ROBO1: variants seen among roughly 807,000 people sequenced by gnomAD.
ROBO1 encodes roundabout guidance receptor 1.
Under a neutral mutation model 195.9 loss-of-function variants are expected in ROBO1, and 149 were observed. The observed-to-expected ratio is 0.76, with a 90% CI of 0.67 to 0.87. ROBO1 has a LOEUF of 0.87. Ranked by LOEUF, ROBO1 falls within the 40% of genes least tolerant of loss-of-function variation. The probability of loss-of-function intolerance (pLI) is 0.00; values close to 1 mark genes in which losing one functional copy is unlikely to be tolerated. For synonymous variants in ROBO1, 816 were observed against 733.2 expected (o/e 1.11, Z -1.82); for missense variants, 1,933 against 2,068.3 (o/e 0.93, Z 1.27).
At chr3:78,891,731 T>A (rs1428450304) in intron 4 of ROBO1, among the ~76,000 whole-genome samples, 1 of 152,212 alleles carries the variant, frequency 6.6e-6, no homozygotes, top group Non-Finnish European at 1.5e-5. Context: ...TGTGATATAT[T>A]CATACACATA....
chr3:79,115,775 A>C lies in ROBO1; in HGVS notation c.172+9681T>G, dbSNP rs2079982122. On this transcript the variant is annotated intron_variant, in intron 3 of 30. Transcript: ENST00000464233. Reference sequence around the variant, plus strand: ...CCTTAGTTGGGGTAGACGTTCTATGAATGTATTTTCTTTCCTTCTTACCAT... The same window carrying C: ...CCTTAGTTGGGGTAGACGTTCTATGCATGTATTTTCTTTCCTTCTTACCAT... Among the ~76,000 whole-genome samples, 3 of 152,176 alleles carry C rather than the reference A, an allele frequency of 2.0e-5. No homozygotes were observed. The South Asian group carries it at 6.2e-4, about 32-fold the overall frequency.
intron 2 of ROBO1, among the ~76,000 whole-genome samples, chr3:79,405,234 T>A (rs2037501991): frequency 6.6e-6 from 1 of 152,166 alleles, no homozygotes; most frequent in African/African-American, 2.4e-5. Context: ...AGTGTAATGA[T>A]ATGGAGATAG....
At chr3:78,834,098 T>C (rs1392537757) in intron 4 of ROBO1, among the ~76,000 whole-genome samples, 1 of 152,074 alleles carries the variant, frequency 6.6e-6, no homozygotes, top group Non-Finnish European at 1.5e-5. Flanking sequence ...TTATCGCTTA[T>C]GTACTACAAA....
At chr3:79,384,901 C>T (rs977319356) in intron 2 of ROBO1, among the ~76,000 whole-genome samples, 3 of 151,942 alleles carry the variant, frequency 2.0e-5, no homozygotes, top group South Asian at 2.1e-4. Flanking sequence ...AGGAAATCTC[C>T]GATACAGGAA....
chr3:79,615,431 T>A (rs1339192374), intron 1 of ROBO1, among the ~76,000 whole-genome samples: 4 of 152,270 alleles, frequency 2.6e-5, no homozygotes, highest in Middle Eastern at 3.4e-3. Flanking sequence ...ATAAATCCAA[T>A]CTATAGCCCA....
At chr3:79,229,877 G>C (rs1391575274) in intron 2 of ROBO1, among the ~76,000 whole-genome samples, 2 of 151,884 alleles carry the variant, frequency 1.3e-5, no homozygotes, top group Non-Finnish European at 2.9e-5. Context: ...TCTTATCAAT[G>C]ATCTTTCTCA....
chr3:78,892,449 C>A (rs2036961410), intron 4 of ROBO1, among the ~76,000 whole-genome samples: 1 of 152,138 alleles, frequency 6.6e-6, no homozygotes, highest in South Asian at 2.1e-4. Flanking sequence ...TCACCTTGGG[C>A]AAGTGATGTA....
intron 1 of ROBO1, among the ~76,000 whole-genome samples, chr3:79,757,827 AT>A (rs62921560): frequency 0.31 from 46,391 of 152,010 alleles, 7,208 homozygotes; most frequent in East Asian, 0.37. Context: ...GCTCAATCGC[AT>A]TTTTTATAGC....
chr3:79,043,520 A>G (rs1368631382), intron 3 of ROBO1, among the ~76,000 whole-genome samples: 1 of 152,098 alleles, frequency 6.6e-6, no homozygotes, highest in African/African-American at 2.4e-5. Context: ...AAATTGGACT[A>G]CTAGATATAT....
chr3:79,213,600 T>C (rs1224362125), intron 2 of ROBO1, among the ~76,000 whole-genome samples: 2 of 152,122 alleles, frequency 1.3e-5, no homozygotes, highest in African/African-American at 2.4e-5. Context: ...TGTGAAGACC[T>C]GACAAGAAAG....
At chr3:79,351,746 C>G (rs2035351687) in intron 2 of ROBO1, among the ~76,000 whole-genome samples, 1 of 151,936 alleles carries the variant, frequency 6.6e-6, no homozygotes, top group Non-Finnish European at 1.5e-5. Flanking sequence ...AGCTGACTAT[C>G]CAGTGAATTT....
At chr3:79,128,024 A>T (rs899459918) in intron 2 of ROBO1, among the ~76,000 whole-genome samples, 1 of 152,206 alleles carries the variant, frequency 6.6e-6, no homozygotes, top group Admixed American at 6.5e-5. Flanking sequence ...CTGTCAAAAG[A>T]TAACAATAAC....
chr3:78,715,275 C>G (rs1459800432), intron 7 of ROBO1: 1 of 152,154 alleles, frequency 6.6e-6, no homozygotes, highest in Non-Finnish European at 1.5e-5. Context: ...ACTTTCTGTT[C>G]TTCCCCTAAC....
chr3:79,198,951 G>A (rs1258662286), intron 2 of ROBO1, among the ~76,000 whole-genome samples: 1 of 151,892 alleles, frequency 6.6e-6, no homozygotes, highest in African/African-American at 2.4e-5. Context: ...GGTTTTCTAA[G>A]TATACAATCA....
intron 4 of ROBO1, among the ~76,000 whole-genome samples, chr3:78,757,252 A>G (rs2108342994): frequency 6.6e-6 from 1 of 152,330 alleles, no homozygotes; most frequent in East Asian, 1.9e-4. Context: ...TCGCAATTGC[A>G]AATGAGGACA....
At chr3:78,832,715 C>T (rs987838539) in intron 4 of ROBO1, among the ~76,000 whole-genome samples, 3 of 151,956 alleles carry the variant, frequency 2.0e-5, no homozygotes, top group Admixed American at 2.0e-4. Context: ...CGAGGTTAGG[C>T]AGGAAACTAG....
At chr3:79,423,675 T>C (rs748222483) in intron 2 of ROBO1, among the ~76,000 whole-genome samples, 3 of 152,100 alleles carry the variant, frequency 2.0e-5, no homozygotes, top group African/African-American at 4.8e-5. Flanking sequence ...TAAGTCAGCA[T>C]ACCAGTACTA....
chr3:78,605,145 G>A (rs569580824), intron 29 of ROBO1, among the ~76,000 whole-genome samples: 22 of 152,098 alleles, frequency 1.4e-4, no homozygotes, highest in Middle Eastern at 3.4e-3. Flanking sequence ...TTCCTCGCTT[G>A]GTTTACATTC....
intron 5 of ROBO1, among the ~76,000 whole-genome samples, chr3:78,727,436 C>A (rs1029508695): frequency 2.0e-5 from 3 of 152,106 alleles, no homozygotes; most frequent in Non-Finnish European, 4.4e-5. Flanking sequence ...ACCATCCTGG[C>A]TAACACGGTG....
Sources: allele counts gnomAD v4.1 joint callset (sites outside exome capture counted in the v4.1 genomes callset), GRCh38; gene constraint gnomAD v4.1.1; transcripts MANE v1.5; gene names NCBI Gene and HGNC (gene_info 2026-07-23, HGNC 2026-07-21).